Variants in SIM1 observed in about 807,000 individuals in gnomAD.
The protein encoded by SIM1 is SIM bHLH transcription factor 1.
In SIM1, 18 loss-of-function variants were observed where a neutral mutation model predicts 78.2. That is an observed-to-expected ratio of 0.23 (90% confidence interval 0.16 to 0.34). The LOEUF (loss-of-function observed/expected upper bound fraction) is 0.34, where lower values mean the gene tolerates loss of function less well. SIM1 is among the 10% of genes least tolerant of loss of function. The probability of loss-of-function intolerance (pLI) is 1.00; values close to 1 mark genes in which losing one functional copy is unlikely to be tolerated. For missense variants in SIM1, 939 were observed against 975.1 expected, an observed-to-expected ratio of 0.96 and a Z score of 0.49; for synonymous variants, 417 against 385.2, an observed-to-expected ratio of 1.08 and a Z score of -0.97.
intron 2 of SIM1, among the ~76,000 whole-genome samples, chr6:100,460,743 A>T (rs1772818765): frequency 6.6e-6 from 1 of 151,832 alleles, no homozygotes; most frequent in Non-Finnish European, 1.5e-5. Flanking sequence ...TAAATTTGGC[A>T]CCCCCTATAG....
intron 3 of SIM1, among the ~76,000 whole-genome samples, chr6:100,451,485 A>G (rs907943725): frequency 6.6e-6 from 1 of 152,228 alleles, no homozygotes; most frequent in African/African-American, 2.4e-5. Flanking sequence ...CTAGAGTTCT[A>G]ACAGGTTTCT....
At chr6:100,420,997 T>C in intron 9 of SIM1, 39 bp from the exon 10 acceptor site, 2 of 1,593,218 alleles carry the variant, frequency 1.3e-6, no homozygotes, top group Non-Finnish European at 1.7e-6. Flanking sequence ...TCAGCCACCA[T>C]AGGAAATGGA....
rs528599743 is a variant in SIM1 at position 100,464,244 on chromosome 6, C to A, written c.-467-309G>T. Among the ~76,000 whole-genome samples the A allele has an allele frequency of 1.5e-4, 23 of 152,266 alleles. No individual in the cohort carries two copies. In the South Asian group the frequency reaches 4.8e-3, roughly 32 times the overall value. On this transcript the variant is annotated intron_variant, in intron 1 of 11. Transcript: ENST00000369208. ...TCCCCGAGTCCGCGCCCAGGCCGGG[C>A]GCACGTCCCAGGAAAGCAGGTTTCC... is the stretch of plus-strand genomic sequence containing the variant.
At chr6:100,413,137 C>T (rs1007102182) in intron 10 of SIM1, among the ~76,000 whole-genome samples, 4 of 152,196 alleles carry the variant, frequency 2.6e-5, no homozygotes, top group African/African-American at 7.2e-5. Flanking sequence ...TTACATACTA[C>T]ATGTGTTTTA....
chr6:100,439,668 T>C (rs1175045773), intron 9 of SIM1, among the ~76,000 whole-genome samples: 1 of 152,214 alleles, frequency 6.6e-6, no homozygotes, highest in African/African-American at 2.4e-5. Flanking sequence ...TGTCAATGTT[T>C]GGTGTTTTAT....
At chr6:100,449,570 G>A (rs370921500) in intron 5 of SIM1, 21 bp downstream of exon 5, 140 of 1,596,704 alleles carry the variant, frequency 8.8e-5, no homozygotes, top group Middle Eastern at 1.7e-4. Flanking sequence ...CCTGAGCGTC[G>A]CAGGCATGTG....
In SIM1 at chr6:100,453,956, A is replaced by G. The variant is rs555349515; in HGVS notation, c.176-112T>C. 2.9e-4 allele frequency: 187 copies of G among 653,362 alleles called. 1 individual carries two copies. In the Middle Eastern group the frequency reaches 6.5e-3, roughly 23 times the overall value. 40.5% of individuals were successfully genotyped at this position (653,362 alleles called of 1,614,324 possible). ...GTGCCGGCCCCTTTGACTGGATACC[A>G]TAGGGGATCCCTCTCAAAGTGGACA... On this transcript the variant is annotated intron_variant, in intron 2 of 11. Transcript: ENST00000369208.
In SIM1 at chr6:100,388,793, T is replaced by C. The variant is rs1048833842; in HGVS notation, c.*1568A>G. ...AATCACTTATATCATTTTGCTTTAA[T>C]TACTAGAGAATAGAGCATTAAATAA... On this transcript the variant is annotated 3_prime_UTR_variant, in exon 12 of 12. Coordinates refer to ENST00000369208, the MANE Select transcript of SIM1 (RefSeq NM_005068.3). The C allele has an allele frequency of 6.6e-6, 1 of 152,218 alleles. No individual in the cohort carries two copies. The highest frequency in any genetic ancestry group is 1.5e-5 in the Non-Finnish European group (1 of 68,030). The allele number at this position is 152,218 out of a possible 1,614,324, so 9.4% of individuals were successfully genotyped here.
chr6:100,408,662 G>T (rs998993985), intron 10 of SIM1, among the ~76,000 whole-genome samples: 1 of 152,044 alleles, frequency 6.6e-6, no homozygotes, highest in South Asian at 2.1e-4. Flanking sequence ...AGCATGTATT[G>T]AGATGATCAC....
intron 9 of SIM1, among the ~76,000 whole-genome samples, chr6:100,423,330 C>A (rs147718905): frequency 6.6e-6 from 1 of 152,152 alleles, no homozygotes; most frequent in African/African-American, 2.4e-5. Context: ...TGAAGCCCTT[C>A]CTGACTGCTA....
chr6:100,458,101 G>A (rs1418104149), intron 2 of SIM1, among the ~76,000 whole-genome samples: 1 of 150,248 alleles, frequency 6.7e-6, no homozygotes, highest in African/African-American at 2.5e-5. Context: ...CCTCGAGTTT[G>A]GGCTTCCCGT....
rs753992623 is a variant in SIM1 at position 100,394,372 on chromosome 6, C to A, written c.1168-483G>T. On this transcript the variant is annotated intron_variant, in intron 10 of 11. Coordinates refer to ENST00000369208, the MANE Select transcript of SIM1 (RefSeq NM_005068.3). ...CTAACAGTATTGCCAAAGAGAGATTCCAAGTAAGTTCCATATTTTATTTCT... is the reference window on the plus strand; with the variant it reads ...CTAACAGTATTGCCAAAGAGAGATTACAAGTAAGTTCCATATTTTATTTCT... 1.3e-4 allele frequency among the ~76,000 whole-genome samples: 20 copies of A among 152,122 alleles called. 1 individual carries two copies. The highest frequency in any genetic ancestry group is 1.0e-3 in the Admixed American group (16 of 15,264).
At chr6:100,412,724 AAAGAAAG>A (rs1771273073) in intron 10 of SIM1, among the ~76,000 whole-genome samples, 1 of 141,866 alleles carries the variant, frequency 7.0e-6, no homozygotes, top group East Asian at 2.1e-4. Context: ...AGAAAGAAAG[AAAGAAAG>A]AAAGAAAGAA....
chr6:100,450,148 T>C lies in SIM1; in HGVS notation c.348+119A>G. On this transcript the variant is annotated intron_variant, in intron 4 of 11. Coordinates refer to ENST00000369208, the MANE Select transcript of SIM1 (RefSeq NM_005068.3). The stretch of plus-strand genomic sequence containing the variant: ...ACTATTTAAGAGTCTTCCTGCTAGC[T>C]GTGAGATGTCCAGCTCCAGGTTTAG... 20 of 781,400 alleles carry C rather than the reference T, an allele frequency of 2.6e-5. No individual in the cohort carries two copies. The South Asian group carries it at 2.9e-4, about 11-fold the overall frequency. 48.4% of individuals were successfully genotyped at this position (781,400 alleles called of 1,614,324 possible). A position where few individuals can be genotyped will look rare whatever the true frequency, so the allele number is the denominator to read the frequency against.
At chr6:100,461,136 G>A (rs1772829755) in intron 2 of SIM1, among the ~76,000 whole-genome samples, 1 of 152,136 alleles carries the variant, frequency 6.6e-6, no homozygotes, top group Non-Finnish European at 1.5e-5. Flanking sequence ...AGCCAGAGGG[G>A]ACCGTTCTGG....
intron 10 of SIM1, among the ~76,000 whole-genome samples, chr6:100,404,324 T>G (rs1771001146): frequency 6.6e-6 from 1 of 152,242 alleles, no homozygotes; most frequent in African/African-American, 2.4e-5. Flanking sequence ...TAGTTATCTA[T>G]TTTTATTCTG....
intron 9 of SIM1, among the ~76,000 whole-genome samples, chr6:100,440,778 A>C (rs2114530814): frequency 6.6e-6 from 1 of 152,344 alleles, no homozygotes; most frequent in South Asian, 2.1e-4. Flanking sequence ...AGCCAAGAAC[A>C]GAGAAGGAAG....
chr6:100,392,074 T>C (rs1487116775), intron 11 of SIM1, among the ~76,000 whole-genome samples: 2 of 152,142 alleles, frequency 1.3e-5, no homozygotes, highest in African/African-American at 2.4e-5. Flanking sequence ...CTTGGGAGGC[T>C]GAGACAGGAG....
rs188328610 is a variant in SIM1 at position 100,399,179 on chromosome 6, T to C, written c.1168-5290A>G. ...TGAGTTGCTATAGCTTTATTTTTAA[T>C]AACCAAAAACTGGAAACAACTCAGA... On this transcript the variant is annotated intron_variant, in intron 10 of 11. Transcript: ENST00000369208. 3.9e-5 allele frequency among the ~76,000 whole-genome samples: 6 copies of C among 152,188 alleles called. No individual in the cohort carries two copies. The East Asian group carries it at 9.6e-4, about 24-fold the overall frequency.
Sources: allele counts gnomAD v4.1 joint callset (sites outside exome capture counted in the v4.1 genomes callset), GRCh38; gene constraint gnomAD v4.1.1; transcripts MANE v1.5; gene names NCBI Gene and HGNC (gene_info 2026-07-23, HGNC 2026-07-21).